PALM2AKAP2: variants seen among roughly 807,000 people sequenced by gnomAD.
PALM2AKAP2 encodes PALM2-AKAP2 fusion protein.
In PALM2AKAP2, 37 loss-of-function variants were observed where a neutral mutation model predicts 71.5. That is an observed-to-expected ratio of 0.52 (90% CI 0.40 to 0.68). PALM2AKAP2 has a LOEUF of 0.68. Ranked by LOEUF, PALM2AKAP2 falls within the 30% of genes least tolerant of loss-of-function variation. The pLI is 0.00. For missense variants in PALM2AKAP2, 1,224 were observed against 1,191.8 expected (o/e 1.03, Z -0.40); for synonymous variants, 468 against 478.8 (o/e 0.98, Z 0.29).
intron 1 of PALM2AKAP2, among the ~76,000 whole-genome samples, chr9:109,706,889 C>T (rs1336785257): frequency 1.3e-5 from 2 of 152,086 alleles, no homozygotes; most frequent in Non-Finnish European, 2.9e-5. Context: ...TTAGTGGTTT[C>T]CTAGAGCTGA....
exon 2 of PALM2AKAP2, chr9:110,138,448 G>A (rs1835949225): frequency 2.5e-6 from 4 of 1,614,252 alleles, no homozygotes; most frequent in Non-Finnish European, 2.5e-6. Context: ...AGGAGCTGAA[G>A]AGGCAGAGAC....
intron 1 of PALM2AKAP2, among the ~76,000 whole-genome samples, chr9:110,108,787 T>C (rs1835173797): frequency 6.6e-6 from 1 of 152,204 alleles, no homozygotes; most frequent in African/African-American, 2.4e-5. Context: ...ATTTAAGTTA[T>C]ATATTGCACG....
chr9:109,942,565 A>C, intron 6 of PALM2AKAP2: 2 of 1,104,242 alleles, frequency 1.8e-6, no homozygotes, highest in Non-Finnish European at 2.5e-6. Flanking sequence ...CTAACACTCA[A>C]GATGCTTGGC....
intron 1 of PALM2AKAP2, among the ~76,000 whole-genome samples, chr9:109,865,639 G>T (rs1394828177): frequency 6.6e-6 from 1 of 152,208 alleles, no homozygotes; most frequent in Non-Finnish European, 1.5e-5. Context: ...GAATGGTTTG[G>T]AAATGACAAG....
In PALM2AKAP2 at chr9:109,925,007, G is replaced by A; in HGVS notation, c.373-54G>A. ...TAAGTCTTTAAAGATGGGAAAAGATGGGATTGTACCCCCACATGTAGAGTA... is the reference window on the plus strand; with the variant it reads ...TAAGTCTTTAAAGATGGGAAAAGATAGGATTGTACCCCCACATGTAGAGTA... On this transcript the variant is annotated intron_variant, in intron 4 of 9. Transcript: ENST00000302798. 3 of 1,612,588 alleles carry A rather than the reference G, an allele frequency of 1.9e-6. No individual in the cohort carries two copies. The South Asian group carries it at 3.3e-5, about 18-fold the overall frequency.
At chr9:109,761,610 T>C (rs1829054258) in intron 1 of PALM2AKAP2, among the ~76,000 whole-genome samples, 1 of 152,214 alleles carries the variant, frequency 6.6e-6, no homozygotes, top group Non-Finnish European at 1.5e-5. Flanking sequence ...CACTTATGAG[T>C]GGAACATGCC....
intron 6 of PALM2AKAP2, among the ~76,000 whole-genome samples, chr9:109,994,533 C>A (rs1396272687): frequency 2.0e-5 from 3 of 152,252 alleles, no homozygotes; most frequent in East Asian, 3.9e-4. Flanking sequence ...ACATTTAGCC[C>A]CACAGCAGTT....
At chr9:110,031,349 C>T (rs1296037633) in intron 7 of PALM2AKAP2, among the ~76,000 whole-genome samples, 1 of 152,202 alleles carries the variant, frequency 6.6e-6, no homozygotes, top group Non-Finnish European at 1.5e-5. Context: ...AGGCTGGTCT[C>T]GAACTCCTGA....
intron 1 of PALM2AKAP2, among the ~76,000 whole-genome samples, chr9:110,095,226 G>A (rs1222693833): frequency 6.6e-6 from 1 of 152,206 alleles, no homozygotes; most frequent in African/African-American, 2.4e-5. Context: ...ACAAGGGACT[G>A]CCAGAAAACC....
chr9:109,727,165 C>G (rs1012454391), intron 1 of PALM2AKAP2, among the ~76,000 whole-genome samples: 2 of 152,186 alleles, frequency 1.3e-5, no homozygotes, highest in Admixed American at 1.3e-4. Context: ...TCTCTGCCTC[C>G]CAGCCTCCCA....
At chr9:110,047,959 C>T (rs909066298), upstream of PALM2AKAP2, among the ~76,000 whole-genome samples, 3 of 152,242 alleles carry the variant, frequency 2.0e-5, no homozygotes, top group African/African-American at 7.2e-5. Context: ...GATCAGCTGC[C>T]TCCTTCCCCT....
At chr9:109,866,316 G>T (rs1282421454) in intron 1 of PALM2AKAP2, among the ~76,000 whole-genome samples, 3 of 152,154 alleles carry the variant, frequency 2.0e-5, no homozygotes, top group Non-Finnish European at 4.4e-5. Flanking sequence ...ATTGTCAAAT[G>T]CCATTATGTC....
At chr9:110,161,948 G>C in intron 3 of PALM2AKAP2, 146 bp from the exon 10 acceptor site, 1 of 968,974 alleles carries the variant, frequency 1.0e-6, no homozygotes, top group East Asian at 2.4e-5. Flanking sequence ...ATCAGATGGA[G>C]AAAGTTTTGG....
intron 1 of PALM2AKAP2, among the ~76,000 whole-genome samples, chr9:109,787,030 T>A (rs1051654127): frequency 1.3e-5 from 2 of 152,196 alleles, no homozygotes; most frequent in African/African-American, 4.8e-5. Flanking sequence ...TTCTGTGGCA[T>A]GAAATTGACT....
intron 3 of PALM2AKAP2, among the ~76,000 whole-genome samples, chr9:109,884,484 AG>A (rs1829922494): frequency 6.6e-6 from 1 of 152,196 alleles, no homozygotes; most frequent in Non-Finnish European, 1.5e-5. Context: ...AAAAATAAAG[AG>A]GACTAACTAA....
chr9:109,930,644 A>C (rs1217948198), intron 5 of PALM2AKAP2, among the ~76,000 whole-genome samples: 1 of 152,238 alleles, frequency 6.6e-6, no homozygotes, highest in Non-Finnish European at 1.5e-5. Context: ...GTTGGTCTAG[A>C]ACTGAACTAA....
At chr9:109,847,231 C>T (rs955042882) in intron 1 of PALM2AKAP2, among the ~76,000 whole-genome samples, 6 of 152,028 alleles carry the variant, frequency 3.9e-5, no homozygotes, top group African/African-American at 7.3e-5. Flanking sequence ...TCATAAGAGA[C>T]GTATAGGGAG....
At chr9:110,160,802 G>T (rs773632758) in intron 3 of PALM2AKAP2, among the ~76,000 whole-genome samples, 1 of 152,200 alleles carries the variant, frequency 6.6e-6, no homozygotes, top group South Asian at 2.1e-4. Context: ...TACTTTTAGC[G>T]CAGGATCTGC....
chr9:110,028,470 A>G (rs141265718), intron 7 of PALM2AKAP2, among the ~76,000 whole-genome samples: 2 of 152,242 alleles, frequency 1.3e-5, no homozygotes, highest in African/African-American at 2.4e-5. Flanking sequence ...ATCTCGTGTA[A>G]TCCTCCAGAT....
Sources: gnomAD v4.1 joint callset for allele counts (sites outside exome capture counted in the v4.1 genomes callset) on GRCh38, gnomAD v4.1.1 for gene constraint, MANE v1.5 for transcripts, NCBI Gene and HGNC (gene_info 2026-07-23, HGNC 2026-07-21) for gene names.